DNM3: variants seen among roughly 807,000 people sequenced by gnomAD.
DNM3 encodes dynamin-3.
Under a neutral mutation model 101.6 loss-of-function variants are expected in DNM3, and 47 were observed. That is an observed-to-expected ratio of 0.46 (90% confidence interval 0.37 to 0.59). DNM3 has a LOEUF of 0.59. Among genes scored for constraint, DNM3 ranks in the 20% least tolerant of loss-of-function variants. DNM3 has a pLI of 0.00. For synonymous variants in DNM3, 385 were observed against 387.9 expected, an observed-to-expected ratio of 0.99 and a Z score of 0.09; for missense variants, 849 against 1,085.7, an observed-to-expected ratio of 0.78 and a Z score of 3.06.
At chr1:172,187,806 A>C (rs1188859789) in intron 14 of DNM3, among the ~76,000 whole-genome samples, 1 of 152,016 alleles carries the variant, frequency 6.6e-6, no homozygotes, top group Non-Finnish European at 1.5e-5. Flanking sequence ...AATTCAGATC[A>C]TATGAGATTT....
intron 14 of DNM3, among the ~76,000 whole-genome samples, chr1:172,150,010 A>G (rs756445072): frequency 2.0e-5 from 3 of 152,198 alleles, no homozygotes; most frequent in Non-Finnish European, 4.4e-5. Flanking sequence ...CTTGCGTAAT[A>G]CATAGCACAT....
chr1:172,129,654 G>T (rs60077625), intron 13 of DNM3, among the ~76,000 whole-genome samples: 1 of 151,804 alleles, frequency 6.6e-6, no homozygotes, highest in Non-Finnish European at 1.5e-5. Flanking sequence ...ATTCCATCAG[G>T]TCTTGTGAGA....
At chr1:172,009,482 G>A (rs186576758) in intron 4 of DNM3, among the ~76,000 whole-genome samples, 37 of 151,216 alleles carry the variant, frequency 2.4e-4, no homozygotes, top group African/African-American at 8.2e-4. Flanking sequence ...GGCTATTAAG[G>A]TTTAAATTAA....
At chr1:171,968,893 ATTG>A (rs1383931664) in intron 2 of DNM3, among the ~76,000 whole-genome samples, 2 of 152,146 alleles carry the variant, frequency 1.3e-5, no homozygotes, top group Non-Finnish European at 2.9e-5. Context: ...AAATTATGCT[ATTG>A]TTGTGTTCTT....
chr1:172,294,783 A>G (rs2064080719), intron 15 of DNM3, among the ~76,000 whole-genome samples: 1 of 141,562 alleles, frequency 7.1e-6, no homozygotes, highest in African/African-American at 2.8e-5. Flanking sequence ...CTGGGACTGC[A>G]AGGCTGTAGT....
chr1:172,058,350 A>G (rs1053728503), intron 10 of DNM3, among the ~76,000 whole-genome samples: 2 of 151,192 alleles, frequency 1.3e-5, no homozygotes, highest in Admixed American at 1.3e-4. Context: ...TGGACCTAAT[A>G]GACATCTACA....
intron 17 of DNM3, among the ~76,000 whole-genome samples, chr1:172,355,037 G>A (rs564173304): frequency 6.6e-6 from 1 of 152,110 alleles, no homozygotes; most frequent in Non-Finnish European, 1.5e-5. Context: ...ATTTGTATAG[G>A]TTCCTCATTC....
intron 14 of DNM3, among the ~76,000 whole-genome samples, chr1:172,134,062 C>T (rs1349622666): frequency 1.3e-5 from 2 of 152,032 alleles, no homozygotes; most frequent in African/African-American, 4.8e-5. Flanking sequence ...GTGAAGGGAG[C>T]GGGGATGGCT....
At chr1:172,078,309 T>G (rs564758014) in intron 11 of DNM3, among the ~76,000 whole-genome samples, 20 of 152,226 alleles carry the variant, frequency 1.3e-4, no homozygotes, top group Non-Finnish European at 1.3e-4. Context: ...AGCCAGGATG[T>G]TCTCTATCTC....
In DNM3 at chr1:172,411,809, A is replaced by G; in HGVS notation, c.*3968A>G. ...AAGCCATGAGTTTTGTATCATTTCAATTAGAAGACTACTAGCTGTGAGCTC... is the reference window on the plus strand; with the variant it reads ...AAGCCATGAGTTTTGTATCATTTCAGTTAGAAGACTACTAGCTGTGAGCTC... On this transcript the variant is annotated 3_prime_UTR_variant, in exon 21 of 21. Transcript: ENST00000627582. 3 of 985,726 alleles carry G rather than the reference A, an allele frequency of 3.0e-6. No individual in the cohort carries two copies. Among genetic ancestry groups the G allele is most frequent in the South Asian group, 9.4e-5 (2 of 21,290 alleles). 61.1% of individuals were successfully genotyped at this position (985,726 alleles called of 1,614,324 possible).
intron 20 of DNM3, 44 bp from the exon 21 acceptor site, chr1:172,407,728 G>A: frequency 6.3e-7 from 1 of 1,589,492 alleles, no homozygotes. Flanking sequence ...TGTTCTGCTA[G>A]ATATTCTACT....
chr1:172,379,880 C>T (rs2068805761), intron 18 of DNM3, among the ~76,000 whole-genome samples: 1 of 151,892 alleles, frequency 6.6e-6, no homozygotes, highest in Non-Finnish European at 1.5e-5. Context: ...AATAATACCA[C>T]AAGTTATTTG....
At chr1:172,418,153 T>C (rs2071497200) in intron 20 of DNM3, 1 of 673,748 alleles carries the variant, frequency 1.5e-6, no homozygotes, top group South Asian at 1.8e-5. Context: ...TGATTTGAAT[T>C]TGACTTTTGT....
chr1:171,929,466 C>T (rs1165842320), intron 2 of DNM3, among the ~76,000 whole-genome samples: 3 of 151,582 alleles, frequency 2.0e-5, no homozygotes, highest in Non-Finnish European at 4.4e-5. Context: ...AGCAAAGTCA[C>T]CCAAACAGAG....
At chr1:172,328,677 T>C (rs976467982) in intron 17 of DNM3, among the ~76,000 whole-genome samples, 1 of 152,064 alleles carries the variant, frequency 6.6e-6, no homozygotes, top group Non-Finnish European at 1.5e-5. Flanking sequence ...TCAAAAAATT[T>C]CCTATCAGGT....
intron 15 of DNM3, among the ~76,000 whole-genome samples, chr1:172,308,116 T>A (rs2064922161): frequency 6.6e-6 from 1 of 152,156 alleles, no homozygotes; most frequent in East Asian, 1.9e-4. Flanking sequence ...TTCTCTACTT[T>A]CCAAATATTT....
intron 15 of DNM3, among the ~76,000 whole-genome samples, chr1:172,259,366 TGTATTAGAGTCTTTCCCTTC>T (rs2062550965): frequency 6.6e-6 from 1 of 152,134 alleles, no homozygotes; most frequent in Non-Finnish European, 1.5e-5. Context: ...CAACTATTCC[TGTATTAGAGTCTTTCCCTTC>T]AGGTCTAATA....
chr1:171,876,101 G>A (rs1378952542), intron 1 of DNM3, among the ~76,000 whole-genome samples: 3 of 151,900 alleles, frequency 2.0e-5, no homozygotes, highest in South Asian at 4.1e-4. Flanking sequence ...GAGCCACTGC[G>A]CCTGGCCAAA....
At chr1:171,947,455 T>A (rs1221071430) in intron 2 of DNM3, among the ~76,000 whole-genome samples, 1 of 152,194 alleles carries the variant, frequency 6.6e-6, no homozygotes, top group African/African-American at 2.4e-5. Flanking sequence ...TTAAAAATGT[T>A]ACTCATAGTT....
Sources: allele counts gnomAD v4.1 joint callset (sites outside exome capture counted in the v4.1 genomes callset), GRCh38; gene constraint gnomAD v4.1.1; transcripts MANE v1.5; gene names NCBI Gene and HGNC (gene_info 2026-07-23, HGNC 2026-07-21).